ORC6: variants seen among roughly 807,000 people sequenced by gnomAD.
ORC6 encodes the protein origin recognition complex subunit 6, also known as origin recognition complex, subunit 6 homolog-like (yeast).
Under a neutral mutation model 30.0 loss-of-function variants are expected in ORC6, and 31 were observed. The ratio of observed to expected loss-of-function variants is 1.03; its 90% CI spans 0.78 to 1.40. ORC6 has a LOEUF of 1.40. Among genes scored for constraint, ORC6 ranks in the 40% most tolerant of loss-of-function variants. The pLI is 0.00. For synonymous variants in ORC6, 136 were observed against 111.2 expected, an observed-to-expected ratio of 1.22 and a Z score of -1.40; for missense variants, 340 against 304.3, an observed-to-expected ratio of 1.12 and a Z score of -0.87.
At position 46,691,106 on chromosome 16, in the gene ORC6, T is replaced by G. The variant is rs750536203; in HGVS notation, c.181T>G (p.Cys61Gly). Residue 61 changes from cysteine (C) to glycine (G), a missense_variant, in exon 2 of 7, where the codon TGC (cysteine) becomes GGC (glycine). Cys to Gly is a radical substitution (Grantham distance 159). Coordinates refer to ENST00000219097, the MANE Select transcript of ORC6 (RefSeq NM_014321.4). ...CLDLAASWMK[C>G]PLDRAYLIKL... Reference sequence around the variant, plus strand: ...GGACCTTGCAGCTTCCTGGATGAAGTGCCCCTTGGACAGGGTAAGTAGGTC... The same window carrying G: ...GGACCTTGCAGCTTCCTGGATGAAGGGCCCCTTGGACAGGGTAAGTAGGTC... 4 of 1,614,066 alleles carry G rather than the reference T, an allele frequency of 2.5e-6. No individual in the cohort carries two copies. The highest frequency in any genetic ancestry group is 3.4e-6 in the Non-Finnish European group (4 of 1,180,010).
rs1001144196 is a variant in ORC6, at chr16:46,689,865, G to C, written c.65+95G>C. 10 of 1,445,476 alleles carry C rather than the reference G, an allele frequency of 6.9e-6. 1 individual carries two copies. The highest frequency in any genetic ancestry group is 2.2e-4 in the Middle Eastern group (1 of 4,532). 89.5% of individuals were successfully genotyped at this position (1,445,476 alleles called of 1,614,324 possible). A position where few individuals can be genotyped will look rare whatever the true frequency, so the allele number is the denominator to read the frequency against. On this transcript the variant is annotated intron_variant, in intron 1 of 6. Coordinates refer to ENST00000219097, the MANE Select transcript of ORC6 (RefSeq NM_014321.4). ...CGCCCTTCCCAGGCGACGGGCGGCGGGGGAGTGACGGGGAGCGCTGGGGCC... is the reference window on the plus strand; with the variant it reads ...CGCCCTTCCCAGGCGACGGGCGGCGCGGGAGTGACGGGGAGCGCTGGGGCC...
intron 4 of ORC6, 45 bp downstream of exon 4, chr16:46,693,227 T>G: frequency 7.8e-7 from 1 of 1,284,742 alleles, no homozygotes; most frequent in Non-Finnish European, 1.1e-6. Flanking sequence ...AATTTACAAG[T>G]GGGTTTTTCA....
At position 46,695,691 on chromosome 16, in the gene ORC6, T is replaced by TA; in HGVS notation, c.562+17_562+18insA. 1 of 1,438,092 alleles carries TA rather than the reference T, an allele frequency of 7.0e-7. No homozygotes were observed. The highest frequency in any genetic ancestry group is 2.3e-5 in the East Asian group (1 of 44,018). The allele number at this position is 1,438,092 out of a possible 1,614,324, so 89.1% of individuals were successfully genotyped here. The stretch of plus-strand genomic sequence containing the variant: ...AGGTCGACAGTAAGTATTCTGTAGT[T>TA]CAAGAATGCGTCATTTGAAAATGTA... On this transcript the variant is annotated intron_variant, in intron 5 of 6. Coordinates refer to ENST00000219097, the MANE Select transcript of ORC6 (RefSeq NM_014321.4).
At chr16:46,693,653 A>G (rs75702848) in intron 4 of ORC6, 1 of 169,112 alleles carries the variant, frequency 5.9e-6, no homozygotes, top group Admixed American at 5.7e-5. Context: ...AAAAAAAAAA[A>G]TTAGCTGGGT....
intron 2 of ORC6, 76 bp downstream of exon 2, chr16:46,691,196 C>A: frequency 1.4e-6 from 2 of 1,416,918 alleles, no homozygotes; most frequent in Non-Finnish European, 2.0e-6. Flanking sequence ...TGAACTAAAC[C>A]CTAGTAAAAA....
At chr16:46,696,881 C>T (rs778778346) in intron 6 of ORC6, among the ~76,000 whole-genome samples, 73 of 152,122 alleles carry the variant, frequency 4.8e-4, no homozygotes, top group Admixed American at 9.2e-4. Context: ...GTCTTGAACT[C>T]CTGGGCTCAA....
In ORC6 at chr16:46,697,754, G is replaced by T; in HGVS notation, c.*169G>T. 1.3e-6 allele frequency: 1 copy of T among 748,342 alleles called. No homozygotes were observed. The highest frequency in any genetic ancestry group is 1.5e-5 in the South Asian group (1 of 68,090). 46.4% of individuals were successfully genotyped at this position (748,342 alleles called of 1,614,324 possible). A position where few individuals can be genotyped will look rare whatever the true frequency, so the allele number is the denominator to read the frequency against. ...GAGGCTAAGTCTGGGCAGTGGGCTGGCCCCTGGTGTGAGCATTAGACCAGC... is the reference window on the plus strand; with the variant it reads ...GAGGCTAAGTCTGGGCAGTGGGCTGTCCCCTGGTGTGAGCATTAGACCAGC... On this transcript the variant is annotated 3_prime_UTR_variant, in exon 7 of 7. Coordinates refer to ENST00000219097, the MANE Select transcript of ORC6 (RefSeq NM_014321.4).
intron 4 of ORC6, chr16:46,693,427 T>C: frequency 1.8e-6 from 1 of 558,822 alleles, no homozygotes; most frequent in South Asian, 2.1e-5. Flanking sequence ...GGAATTCTGA[T>C]TTCAGTCTGC....
chr16:46,690,701 T>C (rs1966425344), intron 1 of ORC6: 1 of 432,464 alleles, frequency 2.3e-6, no homozygotes, highest in Non-Finnish European at 4.4e-6. Flanking sequence ...AACCTGCCTG[T>C]CTCTGATAGT....
At position 46,696,102 on chromosome 16, in the gene ORC6, C is replaced by T. The variant is rs746298559; in HGVS notation, c.631+17C>T. On this transcript the variant is annotated intron_variant, in intron 6 of 6. Transcript: ENST00000219097. Reference sequence around the variant, plus strand: ...CAGCAAAGGGTAAGTTTTACTAACACGGTACTGACGTTGACATTTTATGCA... The same window carrying T: ...CAGCAAAGGGTAAGTTTTACTAACATGGTACTGACGTTGACATTTTATGCA... 90 of 1,576,312 alleles carry T rather than the reference C, an allele frequency of 5.7e-5. No homozygotes were observed. The highest frequency in any genetic ancestry group is 1.7e-4 in the Middle Eastern group (1 of 6,010).
chr16:46,694,684 G>A (rs1397665460), intron 4 of ORC6, among the ~76,000 whole-genome samples: 2 of 150,984 alleles, frequency 1.3e-5, no homozygotes, highest in African/African-American at 4.9e-5. Context: ...ACAAAACACT[G>A]GCTACAACTG....
At position 46,696,023 on chromosome 16, in the gene ORC6, C is replaced by G; in HGVS notation, c.569C>G (p.Pro190Arg). The G allele has an allele frequency of 6.2e-7, 1 of 1,611,878 alleles. No homozygotes were observed. Among genetic ancestry groups the G allele is most frequent in the South Asian group, 1.1e-5 (1 of 91,032 alleles). ...TTGATAACACTTCTTAAAGGAGAAC[C>G]TGGAGATGTAGCTACTCCACCACGG... ...EKIGQQVDRE[P>R]GDVATPPRKR... Residue 190 changes from proline (P) to arginine (R), a missense_variant, in exon 6 of 7, where the codon CCT becomes CGT. Physicochemically the swap from Pro to Arg is moderately radical, Grantham distance 103. Coordinates refer to ENST00000219097, the MANE Select transcript of ORC6 (RefSeq NM_014321.4).
At chr16:46,694,614 C>G (rs1966497774) in intron 4 of ORC6, 2 of 83,510 alleles carry the variant, frequency 2.4e-5, no homozygotes, top group South Asian at 1.4e-3. Context: ...GTAGGGGCGG[C>G]CGGGGCGGCT....
In ORC6 at chr16:46,698,199, A is replaced by G. The variant is rs754772059; in HGVS notation, c.*614A>G. On this transcript the variant is annotated 3_prime_UTR_variant, in exon 7 of 7. Coordinates refer to ENST00000219097, the MANE Select transcript of ORC6 (RefSeq NM_014321.4). ...TAGATAGATGGATAGATAGATAGATAGATAGATAGATAGATAAACGGAATT... is the reference window on the plus strand; with the variant it reads ...TAGATAGATGGATAGATAGATAGATGGATAGATAGATAGATAAACGGAATT... 3 of 454,534 alleles carry G rather than the reference A, an allele frequency of 6.6e-6. No individual in the cohort carries two copies. The highest frequency in any genetic ancestry group is 4.4e-6 in the Non-Finnish European group (1 of 226,296). 28.2% of individuals were successfully genotyped at this position (454,534 alleles called of 1,614,324 possible).
At chr16:46,696,275 G>C (rs1392508395) in intron 6 of ORC6, 190 bp downstream of exon 6, 1 of 626,290 alleles carries the variant, frequency 1.6e-6, no homozygotes, top group East Asian at 2.9e-5. Flanking sequence ...AATATGGCTG[G>C]TCTGGCACAG....
At chr16:46,691,520 T>A (rs1320020267) in intron 2 of ORC6, among the ~76,000 whole-genome samples, 2 of 152,234 alleles carry the variant, frequency 1.3e-5, no homozygotes, top group African/African-American at 2.4e-5. Context: ...TAGCCTCCAG[T>A]GTCCTCATCC....
Position 46,693,109 on chromosome 16 carries a change from C to T in ORC6, c.376C>T (p.Pro126Ser), listed in dbSNP as rs775651774. ...CTCCTTTAGCTATGAGTCCAGTCTTCCCCAGACACAGCAAGTGGATCTTGA... is the reference window on the plus strand; with the variant it reads ...CTCCTTTAGCTATGAGTCCAGTCTTTCCCAGACACAGCAAGTGGATCTTGA... Reference protein sequence around the residue: ...KILKSYESSLPQTQQVDLDLS... With the variant: ...KILKSYESSLSQTQQVDLDLS... Residue 126 changes from proline to serine, a missense_variant, in exon 4 of 7, where the codon CCC becomes TCC. Physicochemically the swap from Pro to Ser is moderately conservative, Grantham distance 74 (BLOSUM62 -1). Coordinates refer to ENST00000219097, the MANE Select transcript of ORC6 (RefSeq NM_014321.4). 1.2e-6 allele frequency: 2 copies of T among 1,609,770 alleles called. No individual in the cohort carries two copies. The highest frequency in any genetic ancestry group is 1.3e-5 in the African/African-American group (1 of 74,860).
At chr16:46,689,976 T>A in intron 1 of ORC6, 2 of 664,166 alleles carry the variant, frequency 3.0e-6, no homozygotes, top group South Asian at 4.1e-5. Flanking sequence ...CAAACGGCGA[T>A]GGCACACGTC....
chr16:46,691,111 C>T lies in ORC6; in HGVS notation c.186C>T (p.Pro62=). 1.2e-6 allele frequency: 2 copies of T among 1,614,136 alleles called. No individual in the cohort carries two copies. The highest frequency in any genetic ancestry group is 2.2e-5 in the South Asian group (2 of 91,078). The change falls in exon 2 of 7, where the codon CCC becomes CCT. Residue 62 remains proline (P), a synonymous_variant. Transcript: ENST00000219097. ...TTGCAGCTTCCTGGATGAAGTGCCC[C>T]TTGGACAGGGTAAGTAGGTCCCACC... The part of the protein sequence containing the change: ...LDLAASWMKC[P]LDRAYLIKLS...
Sources: allele counts gnomAD v4.1 joint callset (sites outside exome capture counted in the v4.1 genomes callset), GRCh38; gene constraint gnomAD v4.1.1; transcripts MANE v1.5; gene names NCBI Gene and HGNC (gene_info 2026-07-23, HGNC 2026-07-21).